SKI: variants seen among roughly 807,000 people sequenced by gnomAD.
The protein encoded by SKI is ski oncogene.
SKI carries 23 observed loss-of-function variants against 59.3 expected under a neutral mutation model. The observed-to-expected ratio is 0.39, with a 90% CI of 0.28 to 0.55. The LOEUF is 0.55. Among genes scored for constraint, SKI ranks in the 20% least tolerant of loss-of-function variants. SKI has a pLI of 0.67. For synonymous variants in SKI, 673 were observed against 488.6 expected (o/e 1.38, Z -4.98); for missense variants, 1,017 against 1,038.9 (o/e 0.98, Z 0.29).
Position 2,306,324 on chromosome 1 carries a change from G to T in SKI, c.1998+74G>T, listed in dbSNP as rs896405132. On this transcript the variant is annotated intron_variant, in intron 6 of 6. Transcript: ENST00000378536. The stretch of plus-strand genomic sequence containing the variant: ...GCCGTGGGCCCCGGTGGCCAGTCCT[G>T]CCCAGCCGGAAAGGCCTTGGAGCAG... 13 of 1,361,466 alleles carry T rather than the reference G, an allele frequency of 9.5e-6. No homozygotes were observed. The East Asian group carries it at 3.3e-4, about 34-fold the overall frequency. The allele number at this position is 1,361,466 out of a possible 1,614,324, so 84.3% of individuals were successfully genotyped here.
At chr1:2,240,458 C>T in intron 1 of SKI, 1 of 984,020 alleles carries the variant, frequency 1.0e-6, no homozygotes. Flanking sequence ...CACATGCTGT[C>T]ACAATGTTGC....
At chr1:2,252,565 G>C (rs913787702) in intron 1 of SKI, among the ~76,000 whole-genome samples, 3 of 151,980 alleles carry the variant, frequency 2.0e-5, no homozygotes, top group Admixed American at 2.0e-4. Flanking sequence ...CGGCCCAGCA[G>C]TCAGTGCCCG....
intron 1 of SKI, among the ~76,000 whole-genome samples, chr1:2,261,300 T>C (rs1442753497): frequency 6.6e-6 from 1 of 152,232 alleles, no homozygotes; most frequent in Non-Finnish European, 1.5e-5. Context: ...TAGAATCAGT[T>C]TGTCAATTTC....
intron 1 of SKI, among the ~76,000 whole-genome samples, chr1:2,302,203 C>T (rs1297755513): frequency 2.0e-5 from 3 of 152,012 alleles, no homozygotes; most frequent in South Asian, 2.1e-4. Flanking sequence ...CAGGCACCTT[C>T]GCTAAGCTTC....
chr1:2,306,776 T>C lies in SKI; in HGVS notation c.*11T>C. The stretch of plus-strand genomic sequence containing the variant: ...GAGCTGGAGCCGTAGATTCCGTGCC[T>C]GCCGCCGCAGCGCCGCCGACAACGC... On this transcript the variant is annotated 3_prime_UTR_variant, in exon 7 of 7. Transcript: ENST00000378536. 6.7e-7 allele frequency: 1 copy of C among 1,496,220 alleles called. No homozygotes were observed. The highest frequency in any genetic ancestry group is 1.5e-5 in the African/African-American group (1 of 68,570). 92.7% of individuals were successfully genotyped at this position (1,496,220 alleles called of 1,614,324 possible).
intron 1 of SKI, among the ~76,000 whole-genome samples, chr1:2,274,204 G>A (rs1380545533): frequency 6.6e-6 from 1 of 152,110 alleles, no homozygotes; most frequent in Non-Finnish European, 1.5e-5. Flanking sequence ...CTGCTCATGT[G>A]CTTTGCCTGC....
chr1:2,284,762 C>T (rs1639997036), intron 1 of SKI, among the ~76,000 whole-genome samples: 1 of 152,128 alleles, frequency 6.6e-6, no homozygotes, highest in Non-Finnish European at 1.5e-5. Context: ...GGGTGGATGG[C>T]CGGCGTGGCT....
intron 6 of SKI, 151 bp from the exon 7 acceptor site, chr1:2,306,426 C>A (rs1057139005): frequency 2.0e-6 from 2 of 985,528 alleles, no homozygotes; most frequent in Admixed American, 2.6e-5. Flanking sequence ...CCCTGCGTCT[C>A]GTGAGCCTGT....
intron 1 of SKI, among the ~76,000 whole-genome samples, chr1:2,282,401 A>C (rs1464951486): frequency 9.6e-5 from 5 of 51,824 alleles, no homozygotes; most frequent in Admixed American, 1.7e-4. Flanking sequence ...GCGGTGGCGG[A>C]GATCTTCAGA....
chr1:2,287,235 A>T (rs900242574), intron 1 of SKI, among the ~76,000 whole-genome samples: 14 of 152,082 alleles, frequency 9.2e-5, no homozygotes, highest in African/African-American at 3.1e-4. Flanking sequence ...TTGTGTGGGA[A>T]GGTGGAGGCG....
In SKI at chr1:2,310,112, A is replaced by G. The variant is rs1640714364; in HGVS notation, c.*3347A>G. 2 of 151,748 alleles carry G rather than the reference A, an allele frequency of 1.3e-5. No homozygotes were observed. 9.4% of individuals were successfully genotyped at this position (151,748 alleles called of 1,614,324 possible). A position where few individuals can be genotyped will look rare whatever the true frequency, so the allele number is the denominator to read the frequency against. On this transcript the variant is annotated 3_prime_UTR_variant, in exon 7 of 7. Transcript: ENST00000378536. ...TCTTGTTTATAAATGCCTGATTTAA[A>G]AAGAAAAGAGCTTGGCATATTTATC...
chr1:2,283,210 T>C (rs980860802), intron 1 of SKI, among the ~76,000 whole-genome samples: 3 of 152,188 alleles, frequency 2.0e-5, no homozygotes, highest in Admixed American at 6.5e-5. Flanking sequence ...GCCCCTCCTA[T>C]GGGTGAGGCT....
intron 1 of SKI, among the ~76,000 whole-genome samples, chr1:2,280,301 G>A (rs576886765): frequency 2.6e-5 from 4 of 151,960 alleles, no homozygotes; most frequent in African/African-American, 7.2e-5. Flanking sequence ...GCTTGACCCC[G>A]GGAGGCGGAG....
At chr1:2,273,266 A>G (rs1639668274) in intron 1 of SKI, among the ~76,000 whole-genome samples, 2 of 152,058 alleles carry the variant, frequency 1.3e-5, no homozygotes, top group Non-Finnish European at 2.9e-5. Flanking sequence ...GTGGGTGTGG[A>G]AAGACAGCAG....
intron 1 of SKI, among the ~76,000 whole-genome samples, chr1:2,285,655 C>T (rs1640023433): frequency 6.6e-6 from 1 of 151,228 alleles, no homozygotes; most frequent in African/African-American, 2.4e-5. Flanking sequence ...ACCTCCGCCT[C>T]CCGGGTTCAG....
intron 1 of SKI, among the ~76,000 whole-genome samples, chr1:2,232,828 TTA>T (rs1363630520): frequency 2.0e-5 from 3 of 152,134 alleles, no homozygotes; most frequent in African/African-American, 7.2e-5. Context: ...ATCTTGGACT[TTA>T]TGTTTTGAGT....
intron 1 of SKI, among the ~76,000 whole-genome samples, chr1:2,248,406 CTG>C (rs1045026491): frequency 2.0e-5 from 3 of 152,216 alleles, no homozygotes; most frequent in Non-Finnish European, 2.9e-5. Flanking sequence ...TTTGTCCTAA[CTG>C]TTGAATATTA....
At chr1:2,283,986 C>T (rs1029019007) in intron 1 of SKI, among the ~76,000 whole-genome samples, 1 of 152,174 alleles carries the variant, frequency 6.6e-6, no homozygotes, top group African/African-American at 2.4e-5. Context: ...CTGCCCGCAG[C>T]TAGTGCCCTG....
chr1:2,290,796 A>G (rs929323545), intron 1 of SKI, among the ~76,000 whole-genome samples: 36 of 152,156 alleles, frequency 2.4e-4, no homozygotes, highest in Non-Finnish European at 1.5e-5. Flanking sequence ...GGCAGGACGC[A>G]TTGTCACCCC....
Sources: gnomAD v4.1 joint callset for allele counts (sites outside exome capture counted in the v4.1 genomes callset) on GRCh38, gnomAD v4.1.1 for gene constraint, MANE v1.5 for transcripts, NCBI Gene and HGNC (gene_info 2026-07-23, HGNC 2026-07-21) for gene names.